NFRKB: variants seen among roughly 807,000 people sequenced by gnomAD.
NFRKB encodes the protein nuclear factor related to kappaB binding protein.
A neutral mutation model predicts 135.7 loss-of-function variants in NFRKB; 62 were observed. That is an observed-to-expected ratio of 0.46 (90% CI 0.37 to 0.56). The LOEUF (loss-of-function observed/expected upper bound fraction) is 0.56, where lower values mean the gene tolerates loss of function less well. Among genes scored for constraint, NFRKB ranks in the 20% least tolerant of loss-of-function variants. The pLI is 0.00. For missense variants in NFRKB, 1,545 were observed against 1,662.0 expected, an observed-to-expected ratio of 0.93 and a Z score of 1.22; for synonymous variants, 678 against 635.6, an observed-to-expected ratio of 1.07 and a Z score of -1.00.
At chr11:129,868,791 G>A (rs1367231275) in intron 24 of NFRKB, among the ~76,000 whole-genome samples, 2 of 152,198 alleles carry the variant, frequency 1.3e-5, no homozygotes, top group Non-Finnish European at 2.9e-5. Flanking sequence ...CACTTTGGCA[G>A]GCCGAGGCGG....
intron 24 of NFRKB, among the ~76,000 whole-genome samples, chr11:129,868,920 T>C (rs1948350873): frequency 6.6e-6 from 1 of 152,086 alleles, no homozygotes; most frequent in Non-Finnish European, 1.5e-5. Context: ...CTCAGGAGGC[T>C]GGGGCAGGAG....
chr11:129,885,989 T>C (rs544243292), intron 5 of NFRKB, among the ~76,000 whole-genome samples: 1 of 152,320 alleles, frequency 6.6e-6, no homozygotes, highest in South Asian at 2.1e-4. Flanking sequence ...CAGAGGCCCA[T>C]GCACACTTTC....
intron 4 of NFRKB, among the ~76,000 whole-genome samples, chr11:129,887,612 A>G (rs945934203): frequency 3.9e-5 from 6 of 152,204 alleles, no homozygotes; most frequent in Non-Finnish European, 7.3e-5. Flanking sequence ...GACAAAAACA[A>G]AAGGGGCAAA....
At chr11:129,884,722 G>T in intron 7 of NFRKB, 23 bp downstream of exon 7, 1 of 1,612,730 alleles carries the variant, frequency 6.2e-7, no homozygotes, top group Admixed American at 1.7e-5. Context: ...CCAGAATGGT[G>T]ACAGCGGCAG....
At chr11:129,867,151 G>A (rs760582957) in intron 24 of NFRKB, among the ~76,000 whole-genome samples, 2 of 152,106 alleles carry the variant, frequency 1.3e-5, no homozygotes, top group Non-Finnish European at 2.9e-5. Flanking sequence ...AATACTTCCT[G>A]CCCCACCAAA....
At chr11:129,885,675 T>C (rs1489122471) in intron 5 of NFRKB, 66 bp from the exon 6 acceptor site, 1 of 1,439,916 alleles carries the variant, frequency 6.9e-7, no homozygotes, top group East Asian at 2.4e-5. Context: ...ATGAACACTC[T>C]ACAAGTCTAC....
chr11:129,882,625 T>C lies in NFRKB; in HGVS notation c.908A>G (p.Tyr303Cys), dbSNP rs1949084457. 1 of 1,613,532 alleles carries C rather than the reference T, an allele frequency of 6.2e-7. No homozygotes were observed. The highest frequency in any genetic ancestry group is 1.1e-5 in the South Asian group (1 of 91,046). The change falls in exon 10 of 27, where the codon TAT (tyrosine) becomes TGT (cysteine). Residue 303 changes from tyrosine to cysteine, a missense_variant. Physicochemically the swap from Tyr to Cys is radical, Grantham distance 194. This residue lies in a region of NFRKB where 678 missense variants were observed against 646.7 expected (regional missense o/e 1.05). Transcript: ENST00000682444. Reference protein sequence around the residue: ...AGRKGSLAALYDLAVLKKKVK... With the variant: ...AGRKGSLAALCDLAVLKKKVK... ...CTTTTTTTTAAGGACAGCCAAGTCA[T>C]ATAAGGCTAGAAAGGCAAAGTAACA...
chr11:129,877,508 T>C (rs1948822904), intron 15 of NFRKB, 123 bp from the exon 16 acceptor site: 2 of 909,872 alleles, frequency 2.2e-6, no homozygotes, highest in South Asian at 2.8e-5. Flanking sequence ...CACTCAATTC[T>C]TACAAAGGCG....
chr11:129,894,109 A>G (rs1024000613), intron 2 of NFRKB: 2 of 152,206 alleles, frequency 1.3e-5, no homozygotes, highest in Non-Finnish European at 2.9e-5. Context: ...ACATACCACA[A>G]CATTTTCAGA....
At position 129,886,403 on chromosome 11, in the gene NFRKB, A is replaced by G. The variant is rs748265941; in HGVS notation, c.379T>C (p.Cys127Arg). 1 of 1,614,006 alleles carries G rather than the reference A, an allele frequency of 6.2e-7. No individual in the cohort carries two copies. The change falls in exon 5 of 27, where the codon TGC becomes CGC. Residue 127 changes from cysteine to arginine, a missense_variant. Cys to Arg is a radical substitution (Grantham distance 180, BLOSUM62 -3). Transcript: ENST00000682444. Reference sequence around the variant, plus strand: ...TAGCGCTTGTACTGTGACTTGAAGCATAACTGCCGGTACTTGACCACCTCG... The same window carrying G: ...TAGCGCTTGTACTGTGACTTGAAGCGTAACTGCCGGTACTTGACCACCTCG... ...NPEVVKYRQL[C>R]FKSQYKRYLN... is the part of the protein sequence containing the mutation.
At chr11:129,893,153 C>G in intron 2 of NFRKB, 1 of 1,089,362 alleles carries the variant, frequency 9.2e-7, no homozygotes, top group Non-Finnish European at 1.2e-6. Context: ...TAAAATGAGA[C>G]TGAGAATAAA....
rs1427211945 is a variant in NFRKB at position 129,884,152 on chromosome 11, ACAAAC to A, written c.743-14_743-10del. The A allele has an allele frequency of 1.2e-6, 2 of 1,613,242 alleles. No individual in the cohort carries two copies. The highest frequency in any genetic ancestry group is 3.3e-5 in the Admixed American group (2 of 60,024). On this transcript the variant is annotated splice_polypyrimidine_tract_variant and intron_variant, in intron 7 of 26. Transcript: ENST00000682444. ...CCCCAGTTCTACTTTATCTGAGAAA[ACAAAC>A]CAAACCATATTCACTATCATGATTC...
chr11:129,870,347 G>A, intron 23 of NFRKB, 86 bp from the exon 24 acceptor site: 3 of 1,429,976 alleles, frequency 2.1e-6, no homozygotes, highest in African/African-American at 1.4e-5. Flanking sequence ...CGTTTCATGG[G>A]TAGATGTTTT....
At chr11:129,889,408 G>A (rs927758454) in intron 3 of NFRKB, among the ~76,000 whole-genome samples, 2 of 152,056 alleles carry the variant, frequency 1.3e-5, no homozygotes, top group African/African-American at 4.8e-5. Flanking sequence ...CTCTGCCAAC[G>A]AGGGTATGAG....
chr11:129,892,573 A>G (rs947239908), intron 3 of NFRKB, 142 bp downstream of exon 3: 18 of 785,912 alleles, frequency 2.3e-5, no homozygotes, highest in Non-Finnish European at 3.4e-5. Context: ...TAAAAAAAAG[A>G]TAAGAGATCA....
At position 129,875,414 on chromosome 11, in the gene NFRKB, C is replaced by T; in HGVS notation, c.1797G>A (p.Glu599=). The T allele has an allele frequency of 6.2e-7, 1 of 1,613,114 alleles. No individual in the cohort carries two copies. The highest frequency in any genetic ancestry group is 8.5e-7 in the Non-Finnish European group (1 of 1,179,768). The change falls in exon 18 of 27, where the codon GAG becomes GAA. Residue 599 remains glutamate (E), a synonymous_variant. Coordinates refer to ENST00000682444, the MANE Select transcript of NFRKB (RefSeq NM_001143835.2). ...RLPNGEGTRA[E]ICELLKDSQF... is the part of the protein sequence containing the mutation. ...GGGAGTCCTTAAGCAGTTCACAGAT[C>T]TCTGCCCGTGTGCCTTCTCCATTAG...
Position 129,870,196 on chromosome 11 carries a change from A to G in NFRKB, c.2829T>C (p.Thr943=). The G allele has an allele frequency of 6.2e-7, 1 of 1,614,198 alleles. No homozygotes were observed. Among genetic ancestry groups the G allele is most frequent in the Non-Finnish European group, 8.5e-7 (1 of 1,180,036 alleles). Residue 943 remains threonine (T), a synonymous_variant, in exon 24 of 27, where the codon ACT becomes ACC. Coordinates refer to ENST00000682444, the MANE Select transcript of NFRKB (RefSeq NM_001143835.2). Reference sequence around the variant, plus strand: ...CATCCTTACCCTGGATGCGGAAGTTAGTGGCTGTGAGTGGAATGCTGTTGC... The same window carrying G: ...CATCCTTACCCTGGATGCGGAAGTTGGTGGCTGTGAGTGGAATGCTGTTGC... ...QTGNSIPLTA[T]NFRIQGKDVL...
chr11:129,872,339 C>T (rs922647588), intron 23 of NFRKB, among the ~76,000 whole-genome samples: 7 of 152,060 alleles, frequency 4.6e-5, no homozygotes, highest in Non-Finnish European at 7.4e-5. Context: ...ATTACTTTAT[C>T]GTTATGTGGT....
rs369458984 is a variant in NFRKB at position 129,892,782 on chromosome 11, G to A, written c.68C>T (p.Thr23Met). ...ELGPCGDGHG[T>M]RIMEDCLLGG... Reference sequence around the variant, plus strand: ...CAGGAGGCAATCCTCCATGATGCGCGTGCCATGGCCATCTCCACACGGACC... The same window carrying A: ...CAGGAGGCAATCCTCCATGATGCGCATGCCATGGCCATCTCCACACGGACC... Residue 23 changes from threonine to methionine, a missense_variant, in exon 3 of 27, where the codon ACG becomes ATG. By Grantham distance (81) the Thr-to-Met change is moderately conservative. Around this residue, in one of 3 missense-constraint regions of NFRKB, gnomAD observed 678 missense variants for 646.7 expected, o/e 1.05. Transcript: ENST00000682444. 2.5e-5 allele frequency: 40 copies of A among 1,614,168 alleles called. No individual in the cohort carries two copies. The highest frequency in any genetic ancestry group is 2.0e-4 in the South Asian group (18 of 91,086).
Sources: allele counts gnomAD v4.1 joint callset (sites outside exome capture counted in the v4.1 genomes callset), GRCh38; gene constraint gnomAD v4.1.1; regional missense constraint gnomAD v4.1.1; transcripts MANE v1.5; gene names NCBI Gene and HGNC (gene_info 2026-07-23, HGNC 2026-07-21).